Variants in SLC35F3 observed in about 807,000 individuals in gnomAD.
SLC35F3 encodes the protein solute carrier family 35 member F3, also known as putative thiamine transporter SLC35F3.
A neutral mutation model predicts 49.9 loss-of-function variants in SLC35F3; 25 were observed. The ratio of observed to expected loss-of-function variants is 0.50; its 90% CI spans 0.37 to 0.70. The LOEUF is 0.70. Among genes scored for constraint, SLC35F3 ranks in the 30% least tolerant of loss-of-function variants. The probability of loss-of-function intolerance (pLI) is 0.00; values close to 1 mark genes in which losing one functional copy is unlikely to be tolerated. For missense variants in SLC35F3, 525 were observed against 639.8 expected (o/e 0.82, Z 1.94); for synonymous variants, 275 against 265.4 (o/e 1.04, Z -0.35).
intron 2 of SLC35F3, among the ~76,000 whole-genome samples, chr1:233,960,374 C>A (rs569296653): frequency 1.3e-5 from 2 of 152,272 alleles, no homozygotes; most frequent in Non-Finnish European, 2.9e-5. Context: ...TCTCCGTTAT[C>A]CTCCAATACA....
At chr1:234,107,843 A>G (rs565047573) in intron 2 of SLC35F3, among the ~76,000 whole-genome samples, 1 of 152,182 alleles carries the variant, frequency 6.6e-6, no homozygotes. Context: ...TATTAATGGA[A>G]GCACTCAAAG....
intron 2 of SLC35F3, among the ~76,000 whole-genome samples, chr1:234,121,702 A>G (rs570004461): frequency 1.3e-5 from 2 of 152,108 alleles, no homozygotes; most frequent in African/African-American, 2.4e-5. Flanking sequence ...TCCTAATGCT[A>G]TCCCTCCACC....
intron 2 of SLC35F3, among the ~76,000 whole-genome samples, chr1:234,071,980 T>A (rs569339793): frequency 6.5e-4 from 99 of 152,252 alleles, no homozygotes; most frequent in Non-Finnish European, 1.1e-3. Context: ...GACTCATGAG[T>A]GTGGTTGCTT....
intron 2 of SLC35F3, among the ~76,000 whole-genome samples, chr1:233,996,745 C>T (rs532516858): frequency 1.3e-5 from 2 of 152,258 alleles, no homozygotes; most frequent in South Asian, 2.1e-4. Context: ...GGCTCTGTGC[C>T]GAATGGCACT....
chr1:234,299,573 A>C (rs561244593), intron 3 of SLC35F3, among the ~76,000 whole-genome samples: 200 of 152,284 alleles, frequency 1.3e-3, no homozygotes, highest in Non-Finnish European at 2.3e-3. Context: ...TGGGAGGCCA[A>C]GACGGGCAGA....
chr1:234,061,761 CT>C (rs1335570032), intron 2 of SLC35F3, among the ~76,000 whole-genome samples: 1 of 151,946 alleles, frequency 6.6e-6, no homozygotes, highest in Non-Finnish European at 1.5e-5. Flanking sequence ...CTAAATTTTT[CT>C]TTTAGTTGTT....
chr1:234,047,264 G>A (rs1664305134), intron 2 of SLC35F3, among the ~76,000 whole-genome samples: 1 of 152,090 alleles, frequency 6.6e-6, no homozygotes, highest in Non-Finnish European at 1.5e-5. Flanking sequence ...GGGCCACAGG[G>A]TGCCTGGATA....
At chr1:234,083,402 C>T (rs1483830320) in intron 2 of SLC35F3, among the ~76,000 whole-genome samples, 1 of 152,154 alleles carries the variant, frequency 6.6e-6, no homozygotes, top group Non-Finnish European at 1.5e-5. Flanking sequence ...ATTTTGTTTT[C>T]TGACACACAT....
At chr1:234,103,043 TAAAATATGTGTATA>T (rs1427305558) in intron 2 of SLC35F3, among the ~76,000 whole-genome samples, 1 of 152,130 alleles carries the variant, frequency 6.6e-6, no homozygotes, top group African/African-American at 2.4e-5. Flanking sequence ...AAAAAAACCA[TAAAATATGTGTATA>T]AGATTAGATT....
intron 2 of SLC35F3, among the ~76,000 whole-genome samples, chr1:234,032,725 A>G (rs1456966932): frequency 6.6e-6 from 1 of 152,116 alleles, no homozygotes; most frequent in Non-Finnish European, 1.5e-5. Flanking sequence ...TTGTGGTGGA[A>G]TATTCCATGG....
Position 234,214,324 on chromosome 1 carries a change from C to A in SLC35F3, c.284-17093C>A, listed in dbSNP as rs1373451949. ...GCAGGGCGGCCGCCGCAGTGAGCAA[C>A]GCGGCAACCGGAGCCCGGCGGGCAG... On this transcript the variant is annotated intron_variant, in intron 2 of 7. Coordinates refer to ENST00000366618, the MANE Select transcript of SLC35F3 (RefSeq NM_173508.4). This position sits in a 1 kb window ranked among gnomAD's most constrained non-coding sequence, Gnocchi z 8.0. The A allele has an allele frequency of 7.6e-7, 1 of 1,308,128 alleles. No homozygotes were observed. The highest frequency in any genetic ancestry group is 1.6e-5 in the African/African-American group (1 of 64,178). 81.0% of individuals were successfully genotyped at this position (1,308,128 alleles called of 1,614,324 possible).
Position 234,204,402 on chromosome 1 carries a change from C to CA in SLC35F3, c.284-27013dup, listed in dbSNP as rs1448748845. Among the ~76,000 whole-genome samples, 5 of 152,288 alleles carry CA rather than the reference C, an allele frequency of 3.3e-5. No homozygotes were observed. The South Asian group carries it at 8.3e-4, about 25-fold the overall frequency. On this transcript the variant is annotated intron_variant, in intron 2 of 7. Coordinates refer to ENST00000366618, the MANE Select transcript of SLC35F3 (RefSeq NM_173508.4). ...CTAGATCATGTTGAAAGGTTCCCATCAAGCTACAACATTATTATCTTGTTG... is the reference window on the plus strand; with the variant it reads ...CTAGATCATGTTGAAAGGTTCCCATCAAAGCTACAACATTATTATCTTGTTG...
chr1:234,168,373 G>C (rs1020527144), intron 2 of SLC35F3, among the ~76,000 whole-genome samples: 1 of 152,204 alleles, frequency 6.6e-6, no homozygotes. Context: ...ACTCCATACA[G>C]CCCAGTCATT....
In SLC35F3 at chr1:234,265,138, C is replaced by T. The variant is rs181671390; in HGVS notation, c.608+33397C>T. The stretch of plus-strand genomic sequence containing the variant: ...TCAGCCTGGACCTCTTTCATGAATT[C>T]CAAGACCTATAACCAACAGCCTGTT... On this transcript the variant is annotated intron_variant, in intron 3 of 7. Transcript: ENST00000366618. Among the ~76,000 whole-genome samples the T allele has an allele frequency of 2.6e-5, 4 of 152,188 alleles. No individual in the cohort carries two copies. The East Asian group carries it at 7.7e-4, about 29-fold the overall frequency.
chr1:234,269,027 T>C (rs903959536), intron 3 of SLC35F3, among the ~76,000 whole-genome samples: 4 of 152,178 alleles, frequency 2.6e-5, no homozygotes, highest in Non-Finnish European at 5.9e-5. Context: ...AATAGTAGTC[T>C]ATTGGGGAAA....
At position 234,298,099 on chromosome 1, in the gene SLC35F3, G is replaced by A. The variant is rs548417225; in HGVS notation, c.609-11002G>A. Among the ~76,000 whole-genome samples, 3 of 152,264 alleles carry A rather than the reference G, an allele frequency of 2.0e-5. No homozygotes were observed. The South Asian group carries it at 6.2e-4, about 32-fold the overall frequency. Reference sequence around the variant, plus strand: ...TCATTAAATTGTATACATTAAATATGCACTGCCTTTTTTAGGTCAATCATA... The same window carrying A: ...TCATTAAATTGTATACATTAAATATACACTGCCTTTTTTAGGTCAATCATA... On this transcript the variant is annotated intron_variant, in intron 3 of 7. Coordinates refer to ENST00000366618, the MANE Select transcript of SLC35F3 (RefSeq NM_173508.4).
chr1:233,922,486 C>CTTTTTTTTTTTTTT (rs35271789), intron 2 of SLC35F3, among the ~76,000 whole-genome samples: 2 of 112,342 alleles, frequency 1.8e-5, no homozygotes, highest in Admixed American at 9.2e-5. Context: ...TTTTGATGGC[C>CTTTTTTTTTTTTTT]TTTTTTTTTT....
intron 2 of SLC35F3, among the ~76,000 whole-genome samples, chr1:234,107,216 G>T (rs1178683214): frequency 6.6e-6 from 1 of 151,984 alleles, no homozygotes; most frequent in African/African-American, 2.4e-5. Context: ...ACCCACCCTG[G>T]GCTTGTTCTT....
At chr1:234,188,544 C>T (rs1467229296) in intron 2 of SLC35F3, among the ~76,000 whole-genome samples, 1 of 152,128 alleles carries the variant, frequency 6.6e-6, no homozygotes, top group African/African-American at 2.4e-5. Flanking sequence ...CCACAGCAAG[C>T]CCCTCCCAAG....
Sources: allele counts gnomAD v4.1 joint callset (sites outside exome capture counted in the v4.1 genomes callset), GRCh38; gene constraint gnomAD v4.1.1; non-coding constraint Gnocchi (gnomAD v3.1); transcripts MANE v1.5; gene names NCBI Gene and HGNC (gene_info 2026-07-23, HGNC 2026-07-21).